The following AFF3 variants were observed in gnomAD, a reference collection of about 807,000 sequenced individuals.
AFF3 encodes the protein ALF transcription elongation factor 3.
In AFF3, 32 loss-of-function variants were observed where a neutral mutation model predicts 129.7. The ratio of observed to expected loss-of-function variants is 0.25; its 90% CI spans 0.19 to 0.33. AFF3 has a LOEUF of 0.33. AFF3 is among the 10% of genes least tolerant of loss of function. The pLI is 1.00. For synonymous variants in AFF3, 644 were observed against 635.4 expected (o/e 1.01, Z -0.20); for missense variants, 1,373 against 1,592.0 (o/e 0.86, Z 2.34).
intron 13 of AFF3, among the ~76,000 whole-genome samples, chr2:99,628,001 C>T (rs546094519): frequency 1.1e-3 from 162 of 152,228 alleles, no homozygotes; most frequent in African/African-American, 3.7e-3. Flanking sequence ...TAGTACGATG[C>T]CTCCAGCTTT....
chr2:100,046,789 A>C (rs1165941866), intron 4 of AFF3, among the ~76,000 whole-genome samples: 2 of 151,918 alleles, frequency 1.3e-5, no homozygotes, highest in Non-Finnish European at 2.9e-5. Context: ...ACTCCCACAC[A>C]CTCTCAGCCA....
intron 7 of AFF3, among the ~76,000 whole-genome samples, chr2:99,912,054 G>A (rs111593531): frequency 1.7e-3 from 255 of 152,272 alleles, no homozygotes; most frequent in African/African-American, 5.9e-3. Flanking sequence ...CTTGGCATGT[G>A]GAAGTAATTC....
At chr2:99,794,952 A>C (rs1368116728) in intron 8 of AFF3, among the ~76,000 whole-genome samples, 1 of 152,224 alleles carries the variant, frequency 6.6e-6, no homozygotes, top group African/African-American at 2.4e-5. Flanking sequence ...CTTCATAAGA[A>C]GAACTAGAGT....
intron 8 of AFF3, among the ~76,000 whole-genome samples, chr2:99,822,190 C>T (rs187551827): frequency 1.6e-4 from 25 of 152,230 alleles, no homozygotes; most frequent in Admixed American, 3.3e-4. Context: ...CATATCCCTG[C>T]GCCTCAAAGA....
At chr2:99,730,101 T>C (rs1679696383) in intron 10 of AFF3, among the ~76,000 whole-genome samples, 2 of 152,202 alleles carry the variant, frequency 1.3e-5, no homozygotes, top group East Asian at 1.9e-4. Flanking sequence ...GCCTTCCACA[T>C]TGCCTAACAT....
chr2:99,836,623 G>A (rs569366688), intron 8 of AFF3, among the ~76,000 whole-genome samples: 21 of 151,782 alleles, frequency 1.4e-4, no homozygotes, highest in African/African-American at 4.8e-4. Flanking sequence ...TTTAACCCAA[G>A]TAATTGTATT....
chr2:99,718,947 T>C (rs559541953), intron 11 of AFF3, among the ~76,000 whole-genome samples: 1 of 152,070 alleles, frequency 6.6e-6, no homozygotes, highest in Admixed American at 6.5e-5. Context: ...AGACGGGTTT[T>C]CACCGTGTTA....
chr2:99,732,179 C>G (rs1019943086), intron 10 of AFF3, among the ~76,000 whole-genome samples: 60 of 151,884 alleles, frequency 4.0e-4, no homozygotes, highest in African/African-American at 1.4e-3. Flanking sequence ...ATGGTGAAAC[C>G]CCGTCTCTAC....
chr2:99,821,803 C>T (rs1046065767), intron 8 of AFF3, among the ~76,000 whole-genome samples: 7 of 152,150 alleles, frequency 4.6e-5, no homozygotes, highest in Admixed American at 1.3e-4. Context: ...TTATGCGGCA[C>T]ATGACTATTT....
intron 2 of AFF3, among the ~76,000 whole-genome samples, chr2:100,121,935 G>A (rs939426654): frequency 3.3e-5 from 5 of 152,020 alleles, no homozygotes; most frequent in Admixed American, 3.3e-4. Context: ...GGTGGCGGGC[G>A]CCTGTAGTCC....
At chr2:99,729,268 A>C (rs1300832167) in intron 10 of AFF3, among the ~76,000 whole-genome samples, 3 of 152,202 alleles carry the variant, frequency 2.0e-5, no homozygotes, top group African/African-American at 7.2e-5. Flanking sequence ...TGTTTGAAGA[A>C]ATATGTTTTG....
At chr2:100,029,273 G>A (rs1684293336) in intron 4 of AFF3, among the ~76,000 whole-genome samples, 2 of 152,114 alleles carry the variant, frequency 1.3e-5, no homozygotes, top group East Asian at 3.9e-4. Flanking sequence ...GTCCTTATAA[G>A]AGGAGGAAAC....
intron 4 of AFF3, among the ~76,000 whole-genome samples, chr2:100,064,790 G>C (rs77203354): frequency 1.3e-5 from 2 of 152,254 alleles, no homozygotes; most frequent in South Asian, 4.1e-4. Context: ...AATATGCAAC[G>C]TATTAACTGC....
At chr2:99,886,975 T>G (rs1693158644) in intron 7 of AFF3, among the ~76,000 whole-genome samples, 1 of 152,228 alleles carries the variant, frequency 6.6e-6, no homozygotes, top group Non-Finnish European at 1.5e-5. Context: ...GTCCAGTTAC[T>G]CCTAATTTTT....
At chr2:99,922,341 C>T (rs1024489908) in intron 7 of AFF3, among the ~76,000 whole-genome samples, 2 of 152,124 alleles carry the variant, frequency 1.3e-5, no homozygotes, top group African/African-American at 4.8e-5. Flanking sequence ...ATCAAGGGAT[C>T]AGCCAACTGC....
intron 20 of AFF3, among the ~76,000 whole-genome samples, chr2:99,563,364 G>A (rs1675658937): frequency 6.6e-6 from 1 of 151,466 alleles, no homozygotes; most frequent in Non-Finnish European, 1.5e-5. Flanking sequence ...CTAATTTTTT[G>A]TATTTTTAGT....
intron 13 of AFF3, among the ~76,000 whole-genome samples, chr2:99,645,387 C>T (rs1684606294): frequency 6.6e-6 from 1 of 152,150 alleles, no homozygotes; most frequent in African/African-American, 2.4e-5. Flanking sequence ...TCTCTTCTTG[C>T]CCTGTTTGTC....
intron 4 of AFF3, among the ~76,000 whole-genome samples, chr2:100,047,982 C>G (rs1228137727): frequency 6.6e-6 from 1 of 152,198 alleles, no homozygotes; most frequent in African/African-American, 2.4e-5. Flanking sequence ...TCTCCATACT[C>G]ATCCCACTCT....
At chr2:99,647,383 T>G (rs1206111820) in intron 13 of AFF3, among the ~76,000 whole-genome samples, 1 of 152,162 alleles carries the variant, frequency 6.6e-6, no homozygotes, top group Non-Finnish European at 1.5e-5. Flanking sequence ...CTCAGCAAAC[T>G]AATGCAGGAG....
Sources: allele counts gnomAD v4.1 joint callset (sites outside exome capture counted in the v4.1 genomes callset), GRCh38; gene constraint gnomAD v4.1.1; transcripts MANE v1.5; gene names NCBI Gene and HGNC (gene_info 2026-07-23, HGNC 2026-07-21).